The following KCNU1 variants were observed in gnomAD, a reference collection of about 807,000 sequenced individuals.
KCNU1 encodes the protein potassium channel subfamily U member 1.
Under a neutral mutation model 126.8 loss-of-function variants are expected in KCNU1, and 93 were observed. The observed-to-expected ratio is 0.73, with a 90% CI of 0.62 to 0.87. The LOEUF (loss-of-function observed/expected upper bound fraction) is 0.87. Ranked by LOEUF, KCNU1 falls within the 40% of genes least tolerant of loss-of-function variation. KCNU1 has a pLI of 0.00. For synonymous variants in KCNU1, 523 were observed against 494.2 expected (o/e 1.06, Z -0.77); for missense variants, 1,330 against 1,367.1 (o/e 0.97, Z 0.43).
At chr8:36,931,669 T>A (rs1373975899) in intron 25 of KCNU1, among the ~76,000 whole-genome samples, 1 of 152,068 alleles carries the variant, frequency 6.6e-6, no homozygotes, top group Admixed American at 6.6e-5. Context: ...GGGACCCAGC[T>A]ACAGCAGTTT....
intron 18 of KCNU1, among the ~76,000 whole-genome samples, chr8:36,849,804 T>C (rs911706390): frequency 6.6e-6 from 1 of 152,206 alleles, no homozygotes; most frequent in Admixed American, 6.5e-5. Context: ...CAAATATCTG[T>C]TCAAGTTCCT....
chr8:36,870,159 A>T (rs548576830), intron 19 of KCNU1, among the ~76,000 whole-genome samples: 5 of 152,194 alleles, frequency 3.3e-5, no homozygotes, highest in African/African-American at 1.2e-4. Context: ...TTCATTTCCA[A>T]CCAAACTGTA....
At chr8:36,793,161 A>G (rs1048622634) in intron 2 of KCNU1, among the ~76,000 whole-genome samples, 2 of 138,036 alleles carry the variant, frequency 1.4e-5, no homozygotes, top group African/African-American at 2.7e-5. Flanking sequence ...AAATAAGAAC[A>G]CTTGGACACA....
At chr8:36,855,358 T>G (rs1041505459) in intron 18 of KCNU1, among the ~76,000 whole-genome samples, 2 of 152,136 alleles carry the variant, frequency 1.3e-5, no homozygotes, top group African/African-American at 4.8e-5. Flanking sequence ...GGGATAGGCT[T>G]GTAGCACTAG....
intron 9 of KCNU1, among the ~76,000 whole-genome samples, chr8:36,817,411 A>T (rs1489286038): frequency 6.6e-6 from 1 of 150,702 alleles, no homozygotes; most frequent in Non-Finnish European, 1.5e-5. Flanking sequence ...AGGCAGGAGA[A>T]TCATTTAAAC....
At chr8:36,928,067 A>C (rs1404311345) in intron 24 of KCNU1, among the ~76,000 whole-genome samples, 1 of 151,890 alleles carries the variant, frequency 6.6e-6, no homozygotes, top group Non-Finnish European at 1.5e-5. Context: ...AGAAAGAAAG[A>C]GATATTGAGA....
At chr8:36,802,197 T>C (rs542010957) in intron 2 of KCNU1, among the ~76,000 whole-genome samples, 8 of 151,504 alleles carry the variant, frequency 5.3e-5, no homozygotes, top group African/African-American at 1.9e-4. Context: ...AGAAAACCAG[T>C]TGAAGCTCCT....
In KCNU1 at chr8:36,804,503, T is replaced by C. The variant is rs77060507; in HGVS notation, c.377+415T>C. 7.6e-4 allele frequency among the ~76,000 whole-genome samples: 116 copies of C among 152,320 alleles called. No individual in the cohort carries two copies. The East Asian group carries it at 0.019, about 24-fold the overall frequency. On this transcript the variant is annotated intron_variant, in intron 3 of 26. Coordinates refer to ENST00000399881, the MANE Select transcript of KCNU1 (RefSeq NM_001031836.3). ...AGGTTTCAAGCAACTTCGGATGGTATTGAGAAAGGAAAATGCCAGCCCTCA... is the reference window on the plus strand; with the variant it reads ...AGGTTTCAAGCAACTTCGGATGGTACTGAGAAAGGAAAATGCCAGCCCTCA...
chr8:36,898,646 T>G (rs1161611666), intron 19 of KCNU1, among the ~76,000 whole-genome samples: 1 of 152,096 alleles, frequency 6.6e-6, no homozygotes, highest in Admixed American at 6.5e-5. Context: ...ATTGAAAGTG[T>G]CAGAGTAACT....
At chr8:36,821,917 C>T (rs75364327) in intron 10 of KCNU1, among the ~76,000 whole-genome samples, 8,165 of 152,116 alleles carry the variant, frequency 0.054, 771 homozygotes, top group African/African-American at 0.19. Flanking sequence ...GTAGGCCAGG[C>T]TAAGCAACGA....
chr8:36,838,428 C>T (rs1010993456), intron 14 of KCNU1, among the ~76,000 whole-genome samples: 1 of 152,102 alleles, frequency 6.6e-6, no homozygotes, highest in African/African-American at 2.4e-5. Flanking sequence ...TGGTGGCTCA[C>T]GCCTGTAATC....
chr8:36,915,575 A>G (rs146504020), intron 22 of KCNU1, among the ~76,000 whole-genome samples: 3 of 152,358 alleles, frequency 2.0e-5, no homozygotes, highest in African/African-American at 7.2e-5. Flanking sequence ...ATGTTGACTC[A>G]TGGCAATTAA....
At position 36,834,855 on chromosome 8, in the gene KCNU1, T is replaced by C; in HGVS notation, c.1282T>C (p.Ser428Pro). 1 of 1,608,812 alleles carries C rather than the reference T, an allele frequency of 6.2e-7. No individual in the cohort carries two copies. The highest frequency in any genetic ancestry group is 8.5e-7 in the Non-Finnish European group (1 of 1,176,178). The stretch of plus-strand genomic sequence containing the variant: ...CAGTGATTCCCATGCTGAAGATATT[T>C]CCAACATTATGAGGTAAGAAGCTGT... ...LCSDSHAEDI[S>P]NIMRVLSIKN... Residue 428 changes from serine (S) to proline (P), a missense_variant, in exon 12 of 27, where the codon TCC becomes CCC. Around this residue, in one of 3 missense-constraint regions of KCNU1, gnomAD observed 1,054 missense variants for 1,053.9 expected, o/e 1.00. Transcript: ENST00000399881.
intron 2 of KCNU1, among the ~76,000 whole-genome samples, chr8:36,801,719 C>G (rs1048167662): frequency 6.6e-6 from 1 of 152,004 alleles, no homozygotes; most frequent in African/African-American, 2.4e-5. Flanking sequence ...CTCCCAACAA[C>G]TTTTCTGAGC....
At chr8:36,929,011 T>C (rs1359022766) in intron 24 of KCNU1, 2 of 700,010 alleles carry the variant, frequency 2.9e-6, no homozygotes, top group African/African-American at 1.8e-5. Flanking sequence ...GTGTGCAGTA[T>C]ATTTTACTTA....
intron 19 of KCNU1, among the ~76,000 whole-genome samples, chr8:36,892,036 A>G (rs78094606): frequency 0.023 from 3,450 of 152,140 alleles, 140 homozygotes; most frequent in African/African-American, 0.078. Context: ...CCATTATCTA[A>G]GTACTCTTTC....
chr8:36,918,956 G>T, intron 23 of KCNU1, 59 bp downstream of exon 23: 1 of 1,081,266 alleles, frequency 9.2e-7, no homozygotes, highest in South Asian at 1.3e-5. Context: ...TATAATTTAT[G>T]TTCCAAGGAT....
rs1000718740 is a variant in KCNU1, at chr8:36,909,197, G to C, written c.2107-114G>C. 6 of 700,180 alleles carry C rather than the reference G, an allele frequency of 8.6e-6. No homozygotes were observed. In the African/African-American group the frequency reaches 1.1e-4, roughly 12 times the overall value. 43.4% of individuals were successfully genotyped at this position (700,180 alleles called of 1,614,324 possible). A position where few individuals can be genotyped will look rare whatever the true frequency, so the allele number is the denominator to read the frequency against. Reference sequence around the variant, plus strand: ...ATTTGCAAAATTCTATTCACCTTATGAAAGTAGAGCTGTGGATGTACCTAG... The same window carrying C: ...ATTTGCAAAATTCTATTCACCTTATCAAAGTAGAGCTGTGGATGTACCTAG... On this transcript the variant is annotated intron_variant, in intron 20 of 26. Coordinates refer to ENST00000399881, the MANE Select transcript of KCNU1 (RefSeq NM_001031836.3).
chr8:36,808,324 C>A (rs1289900839), intron 6 of KCNU1, among the ~76,000 whole-genome samples: 1 of 152,128 alleles, frequency 6.6e-6, no homozygotes, highest in African/African-American at 2.4e-5. Context: ...ATTTCTACCC[C>A]TTGGATTCCT....
Sources: allele counts gnomAD v4.1 joint callset (sites outside exome capture counted in the v4.1 genomes callset), GRCh38; gene constraint gnomAD v4.1.1; regional missense constraint gnomAD v4.1.1; transcripts MANE v1.5; gene names NCBI Gene and HGNC (gene_info 2026-07-23, HGNC 2026-07-21).